Variants in KYNU observed in about 807,000 individuals in gnomAD.
KYNU encodes kynureninase, also known as L-kynurenine hydrolase.
A neutral mutation model predicts 59.2 loss-of-function variants in KYNU; 54 were observed. The ratio of observed to expected loss-of-function variants is 0.91; its 90% CI spans 0.73 to 1.14. The LOEUF (loss-of-function observed/expected upper bound fraction) is 1.14. Ranked by LOEUF, KYNU falls within the 50% of genes most tolerant of loss-of-function variation. KYNU has a pLI of 0.00. For synonymous variants in KYNU, 177 were observed against 192.0 expected, an observed-to-expected ratio of 0.92 and a Z score of 0.65; for missense variants, 567 against 554.4, an observed-to-expected ratio of 1.02 and a Z score of -0.23.
At chr2:142,939,973 AC>A (rs1411207699) in intron 4 of KYNU, among the ~76,000 whole-genome samples, 4 of 152,150 alleles carry the variant, frequency 2.6e-5, no homozygotes, top group Admixed American at 2.6e-4. Context: ...AAAGGCCAAA[AC>A]CAAGAATCTC....
chr2:142,908,928 C>T (rs1164157570), intron 2 of KYNU, among the ~76,000 whole-genome samples: 2 of 152,130 alleles, frequency 1.3e-5, no homozygotes, highest in Admixed American at 1.3e-4. Context: ...GACACCGTGC[C>T]CAGCCAAAAT....
At chr2:143,006,777 C>A (rs1372189914) in intron 10 of KYNU, among the ~76,000 whole-genome samples, 3 of 151,832 alleles carry the variant, frequency 2.0e-5, no homozygotes, top group Non-Finnish European at 4.4e-5. Flanking sequence ...AACTGGGAGG[C>A]ACCCCCCAGC....
intron 4 of KYNU, among the ~76,000 whole-genome samples, chr2:142,954,396 A>G (rs1406546286): frequency 6.6e-6 from 1 of 152,068 alleles, no homozygotes; most frequent in Non-Finnish European, 1.5e-5. Context: ...GGTGTATTTT[A>G]ATTTGATGTT....
chr2:142,982,186 G>A (rs547090042), intron 8 of KYNU, among the ~76,000 whole-genome samples: 1 of 152,178 alleles, frequency 6.6e-6, no homozygotes, highest in East Asian at 1.9e-4. Flanking sequence ...GAGCAGGTAT[G>A]TGCACTTGGT....
At chr2:142,900,838 C>G (rs1484313959) in intron 2 of KYNU, among the ~76,000 whole-genome samples, 2 of 152,176 alleles carry the variant, frequency 1.3e-5, no homozygotes, top group Non-Finnish European at 2.9e-5. Flanking sequence ...GGAGCATGGG[C>G]TAGCAGGCTG....
intron 2 of KYNU, among the ~76,000 whole-genome samples, chr2:142,892,133 C>CA (rs1436342393): frequency 1.4e-4 from 21 of 152,356 alleles, no homozygotes; most frequent in Admixed American, 3.3e-4. Flanking sequence ...ATGCTTGTCT[C>CA]AGACTCCTGA....
chr2:142,935,598 A>G (rs550974615), intron 4 of KYNU, among the ~76,000 whole-genome samples: 8 of 152,268 alleles, frequency 5.3e-5, no homozygotes, highest in African/African-American at 1.7e-4. Flanking sequence ...ACTCCCTAAT[A>G]TAAGAGGTGG....
chr2:143,032,565 GTTAAC>G (rs1686782820), intron 11 of KYNU, among the ~76,000 whole-genome samples: 1 of 152,176 alleles, frequency 6.6e-6, no homozygotes, highest in South Asian at 2.1e-4. Flanking sequence ...CAGTCATAGT[GTTAAC>G]TTATCTCTGA....
intron 10 of KYNU, among the ~76,000 whole-genome samples, chr2:143,025,990 T>C (rs1020191573): frequency 6.6e-6 from 1 of 152,166 alleles, no homozygotes; most frequent in Non-Finnish European, 1.5e-5. Context: ...GCATAAAATA[T>C]TTTTGAAATT....
At chr2:143,002,591 GTTC>G (rs1193172948) in intron 10 of KYNU, among the ~76,000 whole-genome samples, 1 of 152,144 alleles carries the variant, frequency 6.6e-6, no homozygotes, top group Admixed American at 6.5e-5. Flanking sequence ...CAAGTACCCA[GTTC>G]TTTAGTGAAT....
chr2:143,048,211 G>A lies in KYNU; in HGVS notation c.*6039G>A, dbSNP rs1183155398. 1 of 152,112 alleles carries A rather than the reference G, an allele frequency of 6.6e-6. No homozygotes were observed. The allele number at this position is 152,112 out of a possible 1,614,324, so 9.4% of individuals were successfully genotyped here. A position where few individuals can be genotyped will look rare whatever the true frequency, so the allele number is the denominator to read the frequency against. On this transcript the variant is annotated 3_prime_UTR_variant, in exon 14 of 14. Transcript: ENST00000264170. The stretch of plus-strand genomic sequence containing the variant: ...TTCTTTTGGATTTAGGGATGTGTGT[G>A]TGGAGGTGTATTGAGTCCGTTTTTT...
chr2:142,904,070 G>A (rs1329356822), intron 2 of KYNU, among the ~76,000 whole-genome samples: 1 of 152,162 alleles, frequency 6.6e-6, no homozygotes, highest in Non-Finnish European at 1.5e-5. Flanking sequence ...TGGGCCTAAG[G>A]TGGACTTTTA....
chr2:142,886,380 T>C (rs1440270648), intron 2 of KYNU, among the ~76,000 whole-genome samples: 2 of 152,198 alleles, frequency 1.3e-5, no homozygotes, highest in African/African-American at 4.8e-5. Flanking sequence ...AACACTAATA[T>C]ATACTATGTA....
At chr2:143,001,170 A>T (rs868568768) in intron 10 of KYNU, among the ~76,000 whole-genome samples, 2 of 152,106 alleles carry the variant, frequency 1.3e-5, no homozygotes, top group Non-Finnish European at 2.9e-5. Context: ...TCTAGGCAAG[A>T]GGGAGTGAGT....
chr2:143,039,078 T>TATAAGA (rs1365182669), intron 12 of KYNU, among the ~76,000 whole-genome samples: 23 of 152,166 alleles, frequency 1.5e-4, no homozygotes, highest in African/African-American at 5.6e-4. Flanking sequence ...CCCTTGTCAC[T>TATAAGA]CATCTTAATA....
chr2:143,001,070 T>C (rs1212215772), intron 10 of KYNU, among the ~76,000 whole-genome samples: 1 of 152,192 alleles, frequency 6.6e-6, no homozygotes, highest in Non-Finnish European at 1.5e-5. Context: ...ATCAGACACC[T>C]AGCTTTGACT....
intron 10 of KYNU, among the ~76,000 whole-genome samples, chr2:143,007,845 A>G (rs1057459052): frequency 8.5e-6 from 1 of 118,194 alleles, no homozygotes; most frequent in Non-Finnish European, 1.7e-5. Context: ...TACTTTACAG[A>G]CAAGCAAATG....
intron 12 of KYNU, among the ~76,000 whole-genome samples, chr2:143,037,638 C>G (rs908782867): frequency 6.6e-6 from 1 of 151,978 alleles, no homozygotes; most frequent in East Asian, 1.9e-4. Flanking sequence ...GCTTTGTGTT[C>G]ATTTTGTCAG....
chr2:142,902,475 C>T (rs1216491544), intron 2 of KYNU, among the ~76,000 whole-genome samples: 1 of 152,108 alleles, frequency 6.6e-6, no homozygotes, highest in Non-Finnish European at 1.5e-5. Context: ...GCTATTTTGC[C>T]GTACCTGGGA....
Sources: gnomAD v4.1 joint callset for allele counts (sites outside exome capture counted in the v4.1 genomes callset) on GRCh38, gnomAD v4.1.1 for gene constraint, MANE v1.5 for transcripts, NCBI Gene and HGNC (gene_info 2026-07-23, HGNC 2026-07-21) for gene names.